GALNT15: variants seen among roughly 807,000 people sequenced by gnomAD.
GALNT15 encodes the protein polypeptide N-acetylgalactosaminyltransferase 15.
GALNT15 carries 67 observed loss-of-function variants against 66.8 expected under a neutral mutation model. The ratio of observed to expected loss-of-function variants is 1.00; its 90% CI spans 0.82 to 1.23. The LOEUF (loss-of-function observed/expected upper bound fraction) is 1.23. GALNT15 is among the 50% of genes most tolerant of loss of function. The pLI is 0.00. For missense variants in GALNT15, 827 were observed against 804.3 expected (o/e 1.03, Z -0.34); for synonymous variants, 313 against 311.5 (o/e 1.00, Z -0.05).
chr3:16,236,204 G>T (rs2064125224), downstream of GALNT15, among the ~76,000 whole-genome samples: 1 of 145,220 alleles, frequency 6.9e-6, no homozygotes, highest in South Asian at 2.4e-4. Flanking sequence ...AATACAGATT[G>T]TTGCCACATA....
intron 6 of GALNT15, among the ~76,000 whole-genome samples, chr3:16,215,259 A>G (rs1187526890): frequency 6.6e-6 from 1 of 152,248 alleles, no homozygotes; most frequent in Non-Finnish European, 1.5e-5. Context: ...GGGGACTGGC[A>G]TGATTTTTTA....
intron 9 of GALNT15, among the ~76,000 whole-genome samples, chr3:16,223,542 G>T (rs529979050): frequency 6.6e-6 from 1 of 152,104 alleles, no homozygotes; most frequent in Non-Finnish European, 1.5e-5. Flanking sequence ...CCTGTGCATT[G>T]GTACTCTTAA....
rs2063472709 is a variant in GALNT15, at chr3:16,181,625, T to C, written c.539+5935T>C. 6.6e-6 allele frequency among the ~76,000 whole-genome samples: 1 copy of C among 152,116 alleles called. No individual in the cohort carries two copies. On this transcript the variant is annotated intron_variant, in intron 1 of 9. Transcript: ENST00000339732. This position sits in a 1 kb window ranked among gnomAD's most constrained non-coding sequence, Gnocchi z 5.9. ...ATGACTCCCCACACCCCTTGTTGGC[T>C]GTGATAGCCTGGCCTGCAAAAGAGG...
chr3:16,245,924 G>T, the GALNT15 span, among the ~76,000 whole-genome samples: 1 of 152,168 alleles, frequency 6.6e-6, no homozygotes, highest in Non-Finnish European at 1.5e-5. Context: ...CTGCAATATG[G>T]TATATGGGTA....
At position 16,203,034 on chromosome 3, in the gene GALNT15, T is replaced by A. The variant is rs1295347671; in HGVS notation, c.911+2211T>A. Among the ~76,000 whole-genome samples, 1 of 152,164 alleles carries A rather than the reference T, an allele frequency of 6.6e-6. No individual in the cohort carries two copies. Among genetic ancestry groups the A allele is most frequent in the Non-Finnish European group, 1.5e-5 (1 of 68,036 alleles). On this transcript the variant is annotated intron_variant, in intron 3 of 9. Transcript: ENST00000339732. This position sits in a 1 kb window ranked among gnomAD's most constrained non-coding sequence, Gnocchi z 6.2. ...CATATGCCTTCTTTAATGACCCCCA[T>A]GAGAGGCCTCAGGCAGGTATTTTAG...
rs573396559 is a variant in GALNT15 at position 16,219,602 on chromosome 3, G to A, written c.1524+68G>A. ...TCCCAAGACAAGAACTAGATGTTCAGCTCTTCCATGTCCCTGGTCAACCAT... is the reference window on the plus strand; with the variant it reads ...TCCCAAGACAAGAACTAGATGTTCAACTCTTCCATGTCCCTGGTCAACCAT... On this transcript the variant is annotated intron_variant, in intron 7 of 9. Transcript: ENST00000339732. The surrounding 1 kb of genome is among the most constrained non-coding windows in gnomAD (Gnocchi z 4.3). 117 of 1,578,376 alleles carry A rather than the reference G, an allele frequency of 7.4e-5. 1 individual carries two copies. In the Admixed American group the frequency reaches 1.2e-3, roughly 16 times the overall value.
At chr3:16,190,498 C>T (rs918378553) in intron 1 of GALNT15, among the ~76,000 whole-genome samples, 3 of 152,006 alleles carry the variant, frequency 2.0e-5, no homozygotes, top group East Asian at 1.9e-4. Context: ...ATTAGCCGGG[C>T]GTGGTGGCGG....
At position 16,177,041 on chromosome 3, in the gene GALNT15, C is replaced by G. The variant is rs552031824; in HGVS notation, c.539+1351C>G. ...TTCTAGTTTTGTGCCCTCCTTGCAC[C>G]CTGGAGTTTTAACTCACAGCACTTA... On this transcript the variant is annotated intron_variant, in intron 1 of 9. Coordinates refer to ENST00000339732, the MANE Select transcript of GALNT15 (RefSeq NM_054110.5). 2.0e-5 allele frequency among the ~76,000 whole-genome samples: 3 copies of G among 152,184 alleles called. No homozygotes were observed. In the East Asian group the frequency reaches 5.8e-4, roughly 29 times the overall value.
In GALNT15 at chr3:16,188,079, G is replaced by T. The variant is rs1057133249; in HGVS notation, c.540-7681G>T. 1.3e-5 allele frequency among the ~76,000 whole-genome samples: 2 copies of T among 152,172 alleles called. No homozygotes were observed. The highest frequency in any genetic ancestry group is 2.9e-5 in the Non-Finnish European group (2 of 68,044). ...AAGGGGGATTCAGAGGTCTGAGCCT[G>T]ATGGAAGGTCGTCGTCCAGGGCATG... On this transcript the variant is annotated intron_variant, in intron 1 of 9. Transcript: ENST00000339732. This position sits in a 1 kb window ranked among gnomAD's most constrained non-coding sequence, Gnocchi z 4.6.
At position 16,225,079 on chromosome 3, in the gene GALNT15, T is replaced by A. The variant is rs1181497238; in HGVS notation, c.1774-2275T>A. Among the ~76,000 whole-genome samples, 1 of 152,178 alleles carries A rather than the reference T, an allele frequency of 6.6e-6. No individual in the cohort carries two copies. The highest frequency in any genetic ancestry group is 1.5e-5 in the Non-Finnish European group (1 of 68,026). On this transcript the variant is annotated intron_variant, in intron 9 of 9. Transcript: ENST00000339732. The surrounding 1 kb of genome is among the most constrained non-coding windows in gnomAD (Gnocchi z 4.4). Reference sequence around the variant, plus strand: ...TTCTGGGGAGGCCTCAGAGAGCTTTTACTTATGGCAGAAGATGAAGTGGGA... The same window carrying A: ...TTCTGGGGAGGCCTCAGAGAGCTTTAACTTATGGCAGAAGATGAAGTGGGA...
rs1192790142 is a variant in GALNT15, at chr3:16,200,864, G to A, written c.911+41G>A. On this transcript the variant is annotated intron_variant, in intron 3 of 9. Transcript: ENST00000339732. This position sits in a 1 kb window ranked among gnomAD's most constrained non-coding sequence, Gnocchi z 4.4. ...GGCTTGCAAAGCAAGACATGGAACT[G>A]GGAGAAACAGTCTACAGCATCAGCC... 1 of 1,497,930 alleles carries A rather than the reference G, an allele frequency of 6.7e-7. No individual in the cohort carries two copies. The highest frequency in any genetic ancestry group is 1.4e-5 in the African/African-American group (1 of 72,156). 92.8% of individuals were successfully genotyped at this position (1,497,930 alleles called of 1,614,324 possible).
At chr3:16,235,236 A>C (rs1037431971), downstream of GALNT15, among the ~76,000 whole-genome samples, 1 of 151,950 alleles carries the variant, frequency 6.6e-6, no homozygotes, top group African/African-American at 2.4e-5. Context: ...CCTTACCCCA[A>C]TCTTATTATA....
At chr3:16,214,504 TG>T (rs1219384142) in intron 6 of GALNT15, among the ~76,000 whole-genome samples, 1 of 152,222 alleles carries the variant, frequency 6.6e-6, no homozygotes, top group Admixed American at 6.5e-5. Context: ...GAGTAAGCCC[TG>T]CTTGTGTGTT....
chr3:16,239,812 C>T, the GALNT15 span, among the ~76,000 whole-genome samples: 1 of 152,180 alleles, frequency 6.6e-6, no homozygotes, highest in African/African-American at 2.4e-5. The surrounding 1 kb of genome is among the most constrained non-coding windows in gnomAD (Gnocchi z 5.2). Context: ...GTGGGCTTCC[C>T]ATGGGATATA....
chr3:16,187,598 A>G lies in GALNT15; in HGVS notation c.540-8162A>G, dbSNP rs1288338054. 6.6e-6 allele frequency among the ~76,000 whole-genome samples: 1 copy of G among 152,220 alleles called. No homozygotes were observed. The highest frequency in any genetic ancestry group is 2.4e-5 in the African/African-American group (1 of 41,470). ...AATTCTCGAATGTCACTTCTAGTAC[A>G]TTCTATTGGTCTAAGGAAGGCACAA... is the stretch of plus-strand genomic sequence containing the variant. On this transcript the variant is annotated intron_variant, in intron 1 of 9. Coordinates refer to ENST00000339732, the MANE Select transcript of GALNT15 (RefSeq NM_054110.5). The surrounding 1 kb of genome is among the most constrained non-coding windows in gnomAD (Gnocchi z 5.1).
In GALNT15 at chr3:16,175,560, G is replaced by A. The variant is rs372125358; in HGVS notation, c.409G>A (p.Ala137Thr). Residue 137 changes from alanine to threonine, a missense_variant, in exon 1 of 10, where the codon GCT becomes ACT. Coordinates refer to ENST00000339732, the MANE Select transcript of GALNT15 (RefSeq NM_054110.5). This position sits in a 1 kb window ranked among gnomAD's most constrained non-coding sequence, Gnocchi z 5.6. ...DKEAPKRDWGADEDGEVSEEE... is the reference protein window; with the variant it reads ...DKEAPKRDWGTDEDGEVSEEE... ...GGAAGCCCCAAAGAGGGACTGGGGG[G>A]CTGATGAGGACGGGGAGGTGTCTGA... 16 of 1,613,848 alleles carry A rather than the reference G, an allele frequency of 9.9e-6. No homozygotes were observed. The African/African-American group carries it at 1.2e-4, about 12-fold the overall frequency.
chr3:16,175,795 C>A lies in GALNT15; in HGVS notation c.539+105C>A. ...GTAGCCTGCCTCTCCTGACTTAGAG[C>A]AAGTGCTTTTCAAGATGCAGTACCT... On this transcript the variant is annotated intron_variant, in intron 1 of 9. Transcript: ENST00000339732. This position sits in a 1 kb window ranked among gnomAD's most constrained non-coding sequence, Gnocchi z 5.6. 1 of 1,067,058 alleles carries A rather than the reference C, an allele frequency of 9.4e-7. No homozygotes were observed. Among genetic ancestry groups the A allele is most frequent in the Non-Finnish European group, 1.3e-6 (1 of 761,052 alleles). 66.1% of individuals were successfully genotyped at this position (1,067,058 alleles called of 1,614,324 possible).
At chr3:16,232,547 T>A, downstream of GALNT15, among the ~76,000 whole-genome samples, 1 of 134,746 alleles carries the variant, frequency 7.4e-6, no homozygotes, top group Admixed American at 7.7e-5. Context: ...AATGTTGAGC[T>A]CTCAGCAGCC....
intron 5 of GALNT15, 72 bp from the exon 6 acceptor site, chr3:16,212,497 G>A: frequency 2.1e-6 from 3 of 1,438,042 alleles, no homozygotes; most frequent in Non-Finnish European, 2.9e-6. Context: ...GCCCCTCATA[G>A]ATAGGGCTCC....
Sources: allele counts gnomAD v4.1 joint callset (sites outside exome capture counted in the v4.1 genomes callset), GRCh38; gene constraint gnomAD v4.1.1; non-coding constraint Gnocchi (gnomAD v3.1); transcripts MANE v1.5; gene names NCBI Gene and HGNC (gene_info 2026-07-23, HGNC 2026-07-21).